The following MAGI1 variants were observed in gnomAD, a reference collection of about 807,000 sequenced individuals.
MAGI1 encodes the protein membrane associated guanylate kinase, WW and PDZ domain containing 1.
A neutral mutation model predicts 139.9 loss-of-function variants in MAGI1; 58 were observed. That is an observed-to-expected ratio of 0.41 (90% confidence interval 0.34 to 0.52). MAGI1 has a LOEUF of 0.52. Among genes scored for constraint, MAGI1 ranks in the 20% least tolerant of loss-of-function variants. The pLI is 0.12. For missense variants in MAGI1, 1,874 were observed against 1,901.6 expected (o/e 0.99, Z 0.27); for synonymous variants, 812 against 737.9 (o/e 1.10, Z -1.63).
intron 1 of MAGI1, chr3:65,687,679 A>G: frequency 2.0e-6 from 1 of 506,916 alleles, no homozygotes; most frequent in South Asian, 1.6e-5. Context: ...AATACACAAG[A>G]TTCTGCCAAG....
intron 12 of MAGI1, among the ~76,000 whole-genome samples, chr3:65,427,533 T>A (rs1947142610): frequency 6.6e-6 from 1 of 152,090 alleles, no homozygotes; most frequent in South Asian, 2.1e-4. Flanking sequence ...AACAAGGTGG[T>A]TTGTGTCTGT....
chr3:65,544,224 A>G (rs2079394781), intron 2 of MAGI1, among the ~76,000 whole-genome samples: 2 of 152,202 alleles, frequency 1.3e-5, no homozygotes, highest in Non-Finnish European at 2.9e-5. Flanking sequence ...GCTGTATTTT[A>G]CCATAAAATA....
At chr3:65,930,941 A>G (rs1041891701) in intron 1 of MAGI1, among the ~76,000 whole-genome samples, 7 of 152,138 alleles carry the variant, frequency 4.6e-5, no homozygotes, top group Non-Finnish European at 1.0e-4. Context: ...CCCCTTGTTT[A>G]GCATATAATC....
intron 2 of MAGI1, among the ~76,000 whole-genome samples, chr3:65,516,244 A>G (rs923812865): frequency 7.9e-5 from 12 of 151,868 alleles, no homozygotes; most frequent in East Asian, 1.9e-4. Context: ...CAGTGGTCCA[A>G]TCTTGGCTCA....
intron 1 of MAGI1, among the ~76,000 whole-genome samples, chr3:65,962,612 A>T (rs900231818): frequency 2.0e-5 from 3 of 151,804 alleles, no homozygotes; most frequent in Non-Finnish European, 4.4e-5. Context: ...AGGTGGGAAG[A>T]CTGCTTGAGG....
intron 1 of MAGI1, among the ~76,000 whole-genome samples, chr3:65,733,296 G>A (rs1163313988): frequency 1.3e-5 from 2 of 152,166 alleles, no homozygotes; most frequent in East Asian, 1.9e-4. Flanking sequence ...CTGACCTCAG[G>A]TGATCCGCCC....
At chr3:65,548,509 C>CTTTTTTTTTTTTTT (rs1306099660) in intron 2 of MAGI1, among the ~76,000 whole-genome samples, 8 of 117,366 alleles carry the variant, frequency 6.8e-5, no homozygotes, top group Admixed American at 1.1e-4. Flanking sequence ...GCAAACAACA[C>CTTTTTTTTTTTTTT]TCTTTTTTTT....
At chr3:65,900,279 T>C (rs2061166516) in intron 1 of MAGI1, among the ~76,000 whole-genome samples, 1 of 152,126 alleles carries the variant, frequency 6.6e-6, no homozygotes, top group South Asian at 2.1e-4. Context: ...ACATAAAAGG[T>C]AAAAGTCACA....
chr3:65,650,271 A>G (rs973884255), intron 1 of MAGI1, among the ~76,000 whole-genome samples: 24 of 152,216 alleles, frequency 1.6e-4, no homozygotes, highest in African/African-American at 5.5e-4. Context: ...TAAATTGCCT[A>G]GTCTGTGACA....
intron 1 of MAGI1, among the ~76,000 whole-genome samples, chr3:65,926,330 T>TCTCTCC (rs1267210833): frequency 8.9e-5 from 11 of 123,650 alleles, no homozygotes; most frequent in Non-Finnish European, 1.9e-4. Flanking sequence ...TCTTCTTTTC[T>TCTCTCC]CTCTCTCTCT....
At chr3:65,412,413 G>A (rs1559533143) in intron 12 of MAGI1, among the ~76,000 whole-genome samples, 2 of 152,288 alleles carry the variant, frequency 1.3e-5, no homozygotes, top group East Asian at 3.9e-4. Context: ...ACAACCCAGT[G>A]TCTTTGTTTT....
intron 1 of MAGI1, among the ~76,000 whole-genome samples, chr3:66,036,375 A>G (rs950356324): frequency 6.6e-6 from 1 of 152,172 alleles, no homozygotes; most frequent in African/African-American, 2.4e-5. Flanking sequence ...GAGGTATGCC[A>G]GGAATGAGGC....
At chr3:65,903,902 G>C (rs1317668596) in intron 1 of MAGI1, among the ~76,000 whole-genome samples, 1 of 151,966 alleles carries the variant, frequency 6.6e-6, no homozygotes, top group Non-Finnish European at 1.5e-5. Flanking sequence ...CAGTTTCTTG[G>C]GAGGCTGATG....
At chr3:65,550,821 A>C (rs2079790481) in intron 2 of MAGI1, among the ~76,000 whole-genome samples, 1 of 151,996 alleles carries the variant, frequency 6.6e-6, no homozygotes. Context: ...AAATACAAAA[A>C]TTATCTGGGT....
At chr3:66,023,702 C>T (rs2068082390) in intron 1 of MAGI1, among the ~76,000 whole-genome samples, 1 of 152,170 alleles carries the variant, frequency 6.6e-6, no homozygotes, top group Non-Finnish European at 1.5e-5. Flanking sequence ...AGGAACTTTC[C>T]TGCCAAATTT....
At chr3:65,517,250 C>T (rs1364253843) in intron 2 of MAGI1, among the ~76,000 whole-genome samples, 1 of 152,160 alleles carries the variant, frequency 6.6e-6, no homozygotes, top group Non-Finnish European at 1.5e-5. Flanking sequence ...GCCACTCTTT[C>T]TCAAGACAGC....
chr3:65,445,208 T>G (rs1393471451), intron 7 of MAGI1, among the ~76,000 whole-genome samples: 1 of 152,194 alleles, frequency 6.6e-6, no homozygotes, highest in African/African-American at 2.4e-5. Context: ...TTCATTTATC[T>G]CTACTACTCT....
intron 17 of MAGI1, 67 bp downstream of exon 17, chr3:65,379,194 C>A (rs749991460): frequency 6.2e-7 from 1 of 1,602,488 alleles, no homozygotes; most frequent in Non-Finnish European, 8.5e-7. Flanking sequence ...TCAGCTTTCA[C>A]TCGCAAGAGA....
intron 5 of MAGI1, among the ~76,000 whole-genome samples, chr3:65,468,049 G>C (rs1194446941): frequency 6.6e-6 from 1 of 152,080 alleles, no homozygotes; most frequent in Admixed American, 6.5e-5. Flanking sequence ...GACAAGGTAG[G>C]TACAATTCAT....
Sources: allele counts gnomAD v4.1 joint callset (sites outside exome capture counted in the v4.1 genomes callset), GRCh38; gene constraint gnomAD v4.1.1; transcripts MANE v1.5; gene names NCBI Gene and HGNC (gene_info 2026-07-23, HGNC 2026-07-21).